AUTS2: variants seen among roughly 807,000 people sequenced by gnomAD.
AUTS2 encodes activator of transcription and developmental regulator AUTS2.
A neutral mutation model predicts 112.4 loss-of-function variants in AUTS2; 17 were observed. The ratio of observed to expected loss-of-function variants is 0.15; its 90% confidence interval spans 0.10 to 0.23. AUTS2 has a LOEUF of 0.23. AUTS2 is among the 10% of genes least tolerant of loss of function. AUTS2 has a pLI of 1.00. For missense variants in AUTS2, 1,510 were observed against 1,701.6 expected (o/e 0.89, Z 1.98); for synonymous variants, 751 against 702.7 (o/e 1.07, Z -1.09).
At position 70,694,156 on chromosome 7, in the gene AUTS2, A is replaced by G. The variant is rs1808922234; in HGVS notation, c.691-4413A>G. 6.6e-6 allele frequency: 1 copy of G among 150,966 alleles called. No individual in the cohort carries two copies. The highest frequency in any genetic ancestry group is 1.5e-5 in the Non-Finnish European group (1 of 67,594). The allele number at this position is 150,966 out of a possible 1,614,324, so 9.4% of individuals were successfully genotyped here. A position where few individuals can be genotyped will look rare whatever the true frequency, so the allele number is the denominator to read the frequency against. On this transcript the variant is annotated intron_variant, in intron 5 of 18. Transcript: ENST00000342771. The surrounding 1 kb of genome is among the most constrained non-coding windows in gnomAD (Gnocchi z 4.1). ...CGCCCCCTCCTGCTACCGTCCAGCC[A>G]GGGAGCCCGCGGCGGCCGCCGATGG...
chr7:70,659,414 C>T (rs1437863096), intron 5 of AUTS2, among the ~76,000 whole-genome samples: 6 of 152,158 alleles, frequency 3.9e-5, no homozygotes, highest in African/African-American at 9.7e-5. Context: ...ATTCCATGTG[C>T]GGTCCGGGCT....
At chr7:70,465,593 A>T (rs1307124123) in intron 5 of AUTS2, among the ~76,000 whole-genome samples, 1 of 152,150 alleles carries the variant, frequency 6.6e-6, no homozygotes, top group East Asian at 1.9e-4. Context: ...TGGGGAATAG[A>T]GGGGCCCTAT....
chr7:69,644,865 G>T (rs527759808), intron 1 of AUTS2, among the ~76,000 whole-genome samples: 3 of 152,070 alleles, frequency 2.0e-5, no homozygotes, highest in Non-Finnish European at 4.4e-5. Flanking sequence ...AAGGAACCAA[G>T]AAAATCTCAC....
intron 5 of AUTS2, among the ~76,000 whole-genome samples, chr7:70,606,776 C>T (rs955910351): frequency 3.3e-5 from 5 of 151,014 alleles, no homozygotes; most frequent in Non-Finnish European, 5.9e-5. Context: ...GCAGGAGAAT[C>T]GCTTGTACCT....
intron 2 of AUTS2, among the ~76,000 whole-genome samples, chr7:69,906,568 A>G (rs1795157204): frequency 6.6e-6 from 1 of 152,212 alleles, no homozygotes; most frequent in African/African-American, 2.4e-5. Context: ...AATGCTCTTT[A>G]GCAACTGCTT....
Position 70,766,034 on chromosome 7 carries a change from C to G in AUTS2, c.1469-80C>G. The G allele has an allele frequency of 1.3e-6, 2 of 1,556,654 alleles. No individual in the cohort carries two copies. The highest frequency in any genetic ancestry group is 1.7e-6 in the Non-Finnish European group (2 of 1,148,866). Reference sequence around the variant, plus strand: ...ACCCCTGCCACTGTGTCACCAGCCCCGTACCCCTCCACAGGAAGGCAGTCC... The same window carrying G: ...ACCCCTGCCACTGTGTCACCAGCCCGGTACCCCTCCACAGGAAGGCAGTCC... On this transcript the variant is annotated intron_variant, in intron 8 of 18. Coordinates refer to ENST00000342771, the MANE Select transcript of AUTS2 (RefSeq NM_015570.4). This position sits in a 1 kb window ranked among gnomAD's most constrained non-coding sequence, Gnocchi z 4.8.
At chr7:69,879,188 C>G (rs1793931545) in intron 1 of AUTS2, among the ~76,000 whole-genome samples, 2 of 151,848 alleles carry the variant, frequency 1.3e-5, no homozygotes, top group African/African-American at 4.8e-5. Context: ...GTCGCCCAGG[C>G]TGGAGTGCGG....
intron 4 of AUTS2, among the ~76,000 whole-genome samples, chr7:70,152,557 A>G (rs190216303): frequency 6.6e-6 from 1 of 152,254 alleles, no homozygotes; most frequent in East Asian, 1.9e-4. Context: ...TAAGAGAATG[A>G]GATGATAATC....
chr7:69,860,152 C>A (rs867515937), intron 1 of AUTS2, among the ~76,000 whole-genome samples: 1 of 151,882 alleles, frequency 6.6e-6, no homozygotes, highest in African/African-American at 2.4e-5. Context: ...ACCCTTGACC[C>A]TAACTATCAG....
chr7:70,012,018 C>T (rs1799828658), intron 2 of AUTS2, among the ~76,000 whole-genome samples: 1 of 152,142 alleles, frequency 6.6e-6, no homozygotes, highest in East Asian at 1.9e-4. Context: ...CTTAGGCCTG[C>T]CATTCACTGA....
chr7:70,649,399 A>C (rs1225917276), intron 5 of AUTS2, among the ~76,000 whole-genome samples: 1 of 152,250 alleles, frequency 6.6e-6, no homozygotes, highest in Non-Finnish European at 1.5e-5. Flanking sequence ...CTGTCTCAAA[A>C]AAAATAAAAA....
At chr7:69,729,364 T>C (rs1281862610) in intron 1 of AUTS2, among the ~76,000 whole-genome samples, 1 of 151,336 alleles carries the variant, frequency 6.6e-6, no homozygotes, top group East Asian at 1.9e-4. Context: ...AGAAAACTTA[T>C]CTTTAAGAAG....
chr7:70,234,484 C>A (rs964764634), intron 4 of AUTS2, among the ~76,000 whole-genome samples: 14 of 152,150 alleles, frequency 9.2e-5, no homozygotes, highest in African/African-American at 3.1e-4. Flanking sequence ...TATGTGTGTA[C>A]CAGGTGCTAT....
chr7:70,353,990 T>C lies in AUTS2; in HGVS notation c.661-81762T>C, dbSNP rs113328772. ...TAATGCCGTTCCTTGGTGTGAGTTATTAGTTATCAAAAATCAAAATGATCT... is the reference window on the plus strand; with the variant it reads ...TAATGCCGTTCCTTGGTGTGAGTTACTAGTTATCAAAAATCAAAATGATCT... On this transcript the variant is annotated intron_variant, in intron 4 of 18. Transcript: ENST00000342771. Among the ~76,000 whole-genome samples, 11 of 152,370 alleles carry C rather than the reference T, an allele frequency of 7.2e-5. 1 individual carries two copies. The highest frequency in any genetic ancestry group is 2.0e-4 in the Admixed American group (3 of 15,304).
chr7:70,546,316 C>T (rs952291144), intron 5 of AUTS2, among the ~76,000 whole-genome samples: 19 of 152,066 alleles, frequency 1.2e-4, no homozygotes, highest in African/African-American at 2.4e-5. Context: ...CAGTGGCTCA[C>T]GCCTGTAATC....
At chr7:70,720,963 C>A (rs1220906795) in intron 6 of AUTS2, among the ~76,000 whole-genome samples, 2 of 152,028 alleles carry the variant, frequency 1.3e-5, no homozygotes, top group African/African-American at 4.8e-5. Flanking sequence ...AGGTAACATA[C>A]AAACACAAGG....
At chr7:70,280,760 C>T (rs1320470712) in intron 4 of AUTS2, among the ~76,000 whole-genome samples, 1 of 152,100 alleles carries the variant, frequency 6.6e-6, no homozygotes, top group Admixed American at 6.5e-5. Context: ...TTTGGATTGA[C>T]ACATTATTAG....
At chr7:70,786,911 C>T (rs2129560904) in intron 17 of AUTS2, 1 of 459,074 alleles carries the variant, frequency 2.2e-6, no homozygotes, top group Non-Finnish European at 4.0e-6. Flanking sequence ...CTGCATGCAC[C>T]AGATACGTTG....
chr7:70,546,896 C>CT (rs1329535911), intron 5 of AUTS2, among the ~76,000 whole-genome samples: 1 of 152,042 alleles, frequency 6.6e-6, no homozygotes, highest in Admixed American at 6.5e-5. Flanking sequence ...GCCTGTGCAG[C>CT]TTAATTTTAG....
Sources: gnomAD v4.1 joint callset for allele counts (sites outside exome capture counted in the v4.1 genomes callset) on GRCh38, gnomAD v4.1.1 for gene constraint, Gnocchi (gnomAD v3.1) non-coding constraint, MANE v1.5 for transcripts, NCBI Gene and HGNC (gene_info 2026-07-23, HGNC 2026-07-21) for gene names.